Variants in REPS1 observed in about 807,000 individuals in gnomAD.
The protein encoded by REPS1 is ralBP1-associated Eps domain-containing protein 1.
In REPS1, 39 loss-of-function variants were observed where a neutral mutation model predicts 100.9. That is an observed-to-expected ratio of 0.39 (90% CI 0.30 to 0.50). The LOEUF is 0.50. Ranked by LOEUF, REPS1 falls within the 20% of genes least tolerant of loss-of-function variation. The pLI is 0.86. For missense variants in REPS1, 821 were observed against 968.5 expected (o/e 0.85, Z 2.02); for synonymous variants, 324 against 340.3 (o/e 0.95, Z 0.53).
chr6:138,916,147 C>T (rs914898233), intron 13 of REPS1, 171 bp from the exon 14 acceptor site: 4 of 564,364 alleles, frequency 7.1e-6, no homozygotes, highest in Admixed American at 7.4e-5. Context: ...TATGATGTAC[C>T]CTAAACAACT....
chr6:138,935,966 T>C (rs909651534), intron 8 of REPS1, among the ~76,000 whole-genome samples: 1 of 151,388 alleles, frequency 6.6e-6, no homozygotes, highest in African/African-American at 2.4e-5. Flanking sequence ...TCAGTGAACA[T>C]TTACTGAGGG....
intron 1 of REPS1, among the ~76,000 whole-genome samples, chr6:138,954,502 TAAAAAAAAAAA>T: frequency 7.4e-6 from 1 of 134,666 alleles, no homozygotes; most frequent in South Asian, 2.4e-4. Context: ...ATGATGAGCT[TAAAAAAAAAAA>T]AAAAAAGAAT....
chr6:138,935,396 TAG>T (rs1331795219), intron 8 of REPS1, among the ~76,000 whole-genome samples: 1 of 152,202 alleles, frequency 6.6e-6, no homozygotes, highest in Non-Finnish European at 1.5e-5. Flanking sequence ...CTACAATATA[TAG>T]GAGGTTCCTA....
At chr6:138,929,591 T>C (rs1781358958) in intron 9 of REPS1, 1 of 159,374 alleles carries the variant, frequency 6.3e-6, no homozygotes, top group Non-Finnish European at 1.4e-5. Flanking sequence ...CATACCTTGT[T>C]TACAGGACTG....
intron 10 of REPS1, among the ~76,000 whole-genome samples, chr6:138,925,662 A>G (rs1490695084): frequency 6.7e-6 from 1 of 148,656 alleles, no homozygotes; most frequent in African/African-American, 2.4e-5. Flanking sequence ...CTTGTCTTAA[A>G]AAAAAAAAAA....
intron 1 of REPS1, among the ~76,000 whole-genome samples, chr6:138,956,543 T>C (rs1454375755): frequency 1.3e-5 from 2 of 150,230 alleles, no homozygotes; most frequent in Non-Finnish European, 2.9e-5. Flanking sequence ...ACAGCTGGTA[T>C]AGACTTTGCT....
At chr6:138,914,809 T>C (rs1780245279) in intron 14 of REPS1, 48 bp from the exon 15 acceptor site, 2 of 1,457,306 alleles carry the variant, frequency 1.4e-6, no homozygotes, top group Non-Finnish European at 1.9e-6. Context: ...ATAATCACTT[T>C]GTTAATAGAA....
chr6:138,954,846 A>T (rs924464866), intron 1 of REPS1, among the ~76,000 whole-genome samples: 1 of 152,166 alleles, frequency 6.6e-6, no homozygotes, highest in Non-Finnish European at 1.5e-5. Flanking sequence ...CATATACTCT[A>T]ATTTTTTTCT....
chr6:138,977,252 A>C (rs755856425), intron 1 of REPS1, among the ~76,000 whole-genome samples: 1 of 152,208 alleles, frequency 6.6e-6, no homozygotes, highest in Non-Finnish European at 1.5e-5. Context: ...CTAATCTGCT[A>C]TATCTCTATA....
chr6:138,953,956 G>A (rs1783206494), intron 1 of REPS1, among the ~76,000 whole-genome samples: 1 of 152,140 alleles, frequency 6.6e-6, no homozygotes, highest in African/African-American at 2.4e-5. Flanking sequence ...TCCAACAACA[G>A]ATGGGTGGAT....
intron 1 of REPS1, among the ~76,000 whole-genome samples, chr6:138,979,999 G>A (rs1784843147): frequency 6.6e-6 from 1 of 152,022 alleles, no homozygotes; most frequent in Non-Finnish European, 1.5e-5. Context: ...TAGACAAAAG[G>A]GGAACTGCTG....
intron 18 of REPS1, among the ~76,000 whole-genome samples, chr6:138,907,952 T>C (rs1369951586): frequency 6.6e-6 from 1 of 152,162 alleles, no homozygotes; most frequent in African/African-American, 2.4e-5. Flanking sequence ...TTCTAGTTTT[T>C]TGTTTTCTTT....
At chr6:138,948,263 T>C (rs534954212) in intron 1 of REPS1, among the ~76,000 whole-genome samples, 2 of 152,332 alleles carry the variant, frequency 1.3e-5, no homozygotes, top group East Asian at 3.9e-4. Context: ...GAGACTATTA[T>C]GCAGCCATTT....
chr6:138,923,165 GTATT>G (rs1053034626), intron 10 of REPS1, among the ~76,000 whole-genome samples: 1 of 152,088 alleles, frequency 6.6e-6, no homozygotes, highest in African/African-American at 2.4e-5. Flanking sequence ...TCTCAGGAAA[GTATT>G]TATAAGAATA....
At chr6:138,921,344 C>A (rs1321111978) in intron 10 of REPS1, among the ~76,000 whole-genome samples, 3 of 149,936 alleles carry the variant, frequency 2.0e-5, no homozygotes, top group Non-Finnish European at 3.0e-5. Context: ...AAAAAAAAAA[C>A]ATTTTAAGTG....
chr6:138,947,765 G>A (rs374760696), intron 2 of REPS1, 25 bp downstream of exon 2: 14 of 1,492,682 alleles, frequency 9.4e-6, no homozygotes, highest in East Asian at 2.5e-5. Context: ...ATTTTCTTTC[G>A]GTTACTAGTG....
At chr6:138,957,277 T>C (rs2128489191) in intron 1 of REPS1, among the ~76,000 whole-genome samples, 1 of 152,240 alleles carries the variant, frequency 6.6e-6, no homozygotes, top group South Asian at 2.1e-4. Flanking sequence ...CATTTAGAGA[T>C]GGGGGAGAAC....
At chr6:138,969,020 C>T (rs992033990) in intron 1 of REPS1, among the ~76,000 whole-genome samples, 1 of 152,132 alleles carries the variant, frequency 6.6e-6, no homozygotes, top group Non-Finnish European at 1.5e-5. Context: ...AGTACACACC[C>T]GTATCTGCAG....
intron 7 of REPS1, among the ~76,000 whole-genome samples, chr6:138,943,217 G>A (rs1782380437): frequency 6.6e-6 from 1 of 152,120 alleles, no homozygotes. Flanking sequence ...AAACCAATGG[G>A]ATAAATATAA....
Sources: gnomAD v4.1 joint callset for allele counts (sites outside exome capture counted in the v4.1 genomes callset) on GRCh38, gnomAD v4.1.1 for gene constraint, MANE v1.5 for transcripts, NCBI Gene and HGNC (gene_info 2026-07-23, HGNC 2026-07-21) for gene names.